Variants in MEGF11 observed in about 807,000 individuals in gnomAD.
MEGF11 encodes the protein multiple EGF like domains 11.
Under a neutral mutation model 146.6 loss-of-function variants are expected in MEGF11, and 126 were observed. The ratio of observed to expected loss-of-function variants is 0.86; its 90% CI spans 0.74 to 1.00. The LOEUF is 1.00. Among genes scored for constraint, MEGF11 ranks in the 50% least tolerant of loss-of-function variants. The pLI is 0.00. For missense variants in MEGF11, 1,509 were observed against 1,521.2 expected, an observed-to-expected ratio of 0.99 and a Z score of 0.13; for synonymous variants, 532 against 583.4, an observed-to-expected ratio of 0.91 and a Z score of 1.27.
intron 1 of MEGF11, among the ~76,000 whole-genome samples, chr15:66,215,955 C>T (rs1053381683): frequency 1.3e-5 from 2 of 152,132 alleles, no homozygotes; most frequent in African/African-American, 2.4e-5. Flanking sequence ...CTCTCCAACC[C>T]GTCTGAGATG....
intron 10 of MEGF11, among the ~76,000 whole-genome samples, chr15:65,937,910 G>T (rs2141353200): frequency 6.6e-6 from 1 of 152,380 alleles, no homozygotes; most frequent in Admixed American, 6.5e-5. Flanking sequence ...GCAACCTGCT[G>T]CAGCCTTTGC....
rs555004309 is a variant in MEGF11, at chr15:66,251,342, C to A, written c.-9+2263G>T. 2.0e-5 allele frequency among the ~76,000 whole-genome samples: 3 copies of A among 152,336 alleles called. No homozygotes were observed. In the East Asian group the frequency reaches 5.8e-4, roughly 29 times the overall value. On this transcript the variant is annotated intron_variant, in intron 1 of 25. Transcript: ENST00000395614. ...TCCACGGACTATCCCTAATCCAGCC[C>A]CTCCCGAAGTGATTTCACCTGAGAA... is the stretch of plus-strand genomic sequence containing the variant.
chr15:66,048,237 C>T (rs944397462), intron 5 of MEGF11, among the ~76,000 whole-genome samples: 6 of 152,304 alleles, frequency 3.9e-5, no homozygotes, highest in East Asian at 1.9e-4. Context: ...TGAGGCACCG[C>T]GCCCAGCCAG....
intron 1 of MEGF11, among the ~76,000 whole-genome samples, chr15:66,211,085 A>G (rs2091433030): frequency 6.6e-6 from 1 of 152,076 alleles, no homozygotes; most frequent in African/African-American, 2.4e-5. Flanking sequence ...CCCAAAGACC[A>G]CTCCAAGGTG....
At chr15:66,104,039 A>C (rs916499855) in intron 4 of MEGF11, among the ~76,000 whole-genome samples, 2 of 152,210 alleles carry the variant, frequency 1.3e-5, no homozygotes, top group African/African-American at 4.8e-5. Flanking sequence ...AGAGAGTGAA[A>C]TGCATTACTG....
chr15:66,008,899 A>G (rs1056055224), intron 5 of MEGF11, among the ~76,000 whole-genome samples: 2 of 151,992 alleles, frequency 1.3e-5, no homozygotes, highest in Non-Finnish European at 2.9e-5. Flanking sequence ...TCCTTCTTCT[A>G]TACCATTCTG....
At chr15:66,127,450 G>T (rs972385217) in intron 2 of MEGF11, among the ~76,000 whole-genome samples, 2 of 152,188 alleles carry the variant, frequency 1.3e-5, no homozygotes, top group Non-Finnish European at 2.9e-5. Context: ...CTAGGGCTGG[G>T]CTATCCACCC....
chr15:66,213,048 G>C (rs1035360219), intron 1 of MEGF11, among the ~76,000 whole-genome samples: 1 of 152,164 alleles, frequency 6.6e-6, no homozygotes, highest in African/African-American at 2.4e-5. Context: ...GACAAAGGAC[G>C]GGCAGAAAGG....
At chr15:65,903,589 A>C (rs974427037) in intron 24 of MEGF11, among the ~76,000 whole-genome samples, 1 of 152,218 alleles carries the variant, frequency 6.6e-6, no homozygotes, top group African/African-American at 2.4e-5. Context: ...GGTCAGCACC[A>C]TACAGCAAGA....
chr15:66,219,619 G>A (rs1482410786), intron 1 of MEGF11, among the ~76,000 whole-genome samples: 2 of 151,996 alleles, frequency 1.3e-5, no homozygotes, highest in East Asian at 3.9e-4. Context: ...ATGGGAATTT[G>A]AAATGGTATA....
At chr15:66,131,734 C>T (rs946451456) in intron 1 of MEGF11, among the ~76,000 whole-genome samples, 3 of 152,156 alleles carry the variant, frequency 2.0e-5, no homozygotes, top group Non-Finnish European at 2.9e-5. Context: ...CTCGCTATGT[C>T]CTCATCCTAA....
intron 1 of MEGF11, among the ~76,000 whole-genome samples, chr15:66,243,088 A>G (rs1287394830): frequency 6.6e-6 from 1 of 152,242 alleles, no homozygotes; most frequent in Non-Finnish European, 1.5e-5. Flanking sequence ...AGAGCAAAGA[A>G]TGAACAAGTG....
chr15:65,979,249 C>A (rs2081552766), intron 7 of MEGF11, among the ~76,000 whole-genome samples: 1 of 152,164 alleles, frequency 6.6e-6, no homozygotes. Context: ...GTCACAGATG[C>A]AGCCTGGGAA....
chr15:65,990,704 AAAGG>A (rs1180448913), intron 5 of MEGF11, among the ~76,000 whole-genome samples: 34 of 64,016 alleles, frequency 5.3e-4, no homozygotes, highest in African/African-American at 1.7e-3. Flanking sequence ...AGAAAGAAAG[AAAGG>A]AAGGAAGAAA....
intron 4 of MEGF11, among the ~76,000 whole-genome samples, chr15:66,101,020 T>TGGGTGAGC: frequency 1.5e-5 from 1 of 66,140 alleles, no homozygotes; most frequent in East Asian, 4.4e-4. Context: ...CGTGGGTGGG[T>TGGGTGAGC]GGGTGAGCGG....
intron 9 of MEGF11, among the ~76,000 whole-genome samples, chr15:65,963,612 C>T (rs891545976): frequency 7.2e-5 from 11 of 152,184 alleles, no homozygotes; most frequent in African/African-American, 1.9e-4. Context: ...AGAAGGTGCT[C>T]GGGGTTTCCT....
At position 66,016,479 on chromosome 15, in the gene MEGF11, GTTTTTT is replaced by G. The variant is rs58588643; in HGVS notation, c.395-33997_395-33992del. 1.6e-3 allele frequency among the ~76,000 whole-genome samples: 203 copies of G among 127,696 alleles called. 1 individual carries two copies. The highest frequency in any genetic ancestry group is 5.7e-3 in the African/African-American group (192 of 33,872). 83.8% of individuals were successfully genotyped at this position (127,696 alleles called of 152,430 possible). On this transcript the variant is annotated intron_variant, in intron 5 of 25. Coordinates refer to ENST00000395614, the MANE Select transcript of MEGF11 (RefSeq NM_001385028.1). ...AAAGACTCTGCTTTCCATCCATTCAGTTTTTTTTTTTTTTTTTTTTGGAAGCAAGGA... is the reference window on the plus strand; with the variant it reads ...AAAGACTCTGCTTTCCATCCATTCAGTTTTTTTTTTTTTTGGAAGCAAGGA...
intron 5 of MEGF11, among the ~76,000 whole-genome samples, chr15:66,024,468 G>A (rs535934368): frequency 5.9e-5 from 9 of 152,216 alleles, no homozygotes. Flanking sequence ...GCACTTCCAT[G>A]AGCCTCCTCA....
chr15:66,237,541 G>A (rs771966448), intron 1 of MEGF11, among the ~76,000 whole-genome samples: 1 of 152,202 alleles, frequency 6.6e-6, no homozygotes, highest in Non-Finnish European at 1.5e-5. Context: ...CCGTCCTGTG[G>A]GGAAGCCTAA....
Sources: allele counts gnomAD v4.1 joint callset (sites outside exome capture counted in the v4.1 genomes callset), GRCh38; gene constraint gnomAD v4.1.1; transcripts MANE v1.5; gene names NCBI Gene and HGNC (gene_info 2026-07-23, HGNC 2026-07-21).